DMXL1: variants seen among roughly 807,000 people sequenced by gnomAD.
DMXL1 encodes the protein Dmx like 1.
In DMXL1, 99 loss-of-function variants were observed where a neutral mutation model predicts 319.2. The ratio of observed to expected loss-of-function variants is 0.31; its 90% CI spans 0.26 to 0.37. DMXL1 has a LOEUF of 0.37. Among genes scored for constraint, DMXL1 ranks in the 10% least tolerant of loss-of-function variants. The pLI, the probability that DMXL1 is intolerant of heterozygous loss-of-function variation, is 1.00. For missense variants in DMXL1, 3,745 were observed against 3,595.6 expected (o/e 1.04, Z -1.06); for synonymous variants, 1,385 against 1,235.2 (o/e 1.12, Z -2.54).
chr5:119,125,792 C>A (rs1324880127), intron 9 of DMXL1, among the ~76,000 whole-genome samples: 1 of 152,084 alleles, frequency 6.6e-6, no homozygotes, highest in African/African-American at 2.4e-5. Flanking sequence ...TCTCAATCTC[C>A]TGACCTCGTG....
At position 119,084,593 on chromosome 5, in the gene DMXL1, G is replaced by A. The variant is rs1017800923; in HGVS notation, c.87+12937G>A. 3.3e-5 allele frequency among the ~76,000 whole-genome samples: 5 copies of A among 152,154 alleles called. No homozygotes were observed. In the East Asian group the frequency reaches 7.7e-4, roughly 23 times the overall value. ...AAAAAACGATCCTTGGCTGGGTGCT[G>A]TGGCTCATGCTTGTAATCCTAGCAC... On this transcript the variant is annotated intron_variant, in intron 1 of 43. Coordinates refer to ENST00000539542, the MANE Select transcript of DMXL1 (RefSeq NM_001290321.3).
intron 3 of DMXL1, among the ~76,000 whole-genome samples, chr5:119,103,053 A>T (rs760995649): frequency 1.3e-5 from 2 of 152,006 alleles, no homozygotes. Flanking sequence ...ACAAATCTTC[A>T]CAGGTACTCC....
intron 40 of DMXL1, 139 bp from the exon 41 acceptor site, chr5:119,238,850 T>A: frequency 7.0e-7 from 1 of 1,431,890 alleles, no homozygotes; most frequent in Non-Finnish European, 9.1e-7. Context: ...TTACAATTTT[T>A]CTAAAGTTCA....
At chr5:119,110,615 T>C (rs1759365259) in intron 5 of DMXL1, among the ~76,000 whole-genome samples, 1 of 152,230 alleles carries the variant, frequency 6.6e-6, no homozygotes, top group Admixed American at 6.5e-5. Context: ...TTTTCCCACA[T>C]AATCTATATA....
chr5:119,177,778 G>T lies in DMXL1; in HGVS notation c.6887-218G>T, dbSNP rs1471201914. 2.6e-5 allele frequency among the ~76,000 whole-genome samples: 4 copies of T among 152,012 alleles called. No individual in the cohort carries two copies. In the East Asian group the frequency reaches 7.7e-4, roughly 29 times the overall value. Reference sequence around the variant, plus strand: ...TATCTATGACATCTTAGTCATGAAAGATTTTAATGTTTAATATTAAAGATT... The same window carrying T: ...TATCTATGACATCTTAGTCATGAAATATTTTAATGTTTAATATTAAAGATT... On this transcript the variant is annotated intron_variant, in intron 27 of 43. Transcript: ENST00000539542.
chr5:119,076,385 G>A (rs192002953), intron 1 of DMXL1, among the ~76,000 whole-genome samples: 123 of 152,090 alleles, frequency 8.1e-4, no homozygotes, highest in Admixed American at 1.8e-3. Context: ...CAAATTGGGA[G>A]GATGGGAAGG....
chr5:119,166,783 T>C lies in DMXL1; in HGVS notation c.5136+2T>C. ...GGTTGCCTCAGAGATGCAATTGAGG[T>C]AATGAGTGAAATTTAAATAACAAAG... On this transcript the variant is annotated splice_donor_variant, in intron 22 of 43. Coordinates refer to ENST00000539542, the MANE Select transcript of DMXL1 (RefSeq NM_001290321.3). LOFTEE classifies it high-confidence loss of function. The C allele has an allele frequency of 6.3e-7, 1 of 1,597,674 alleles. No individual in the cohort carries two copies. Among genetic ancestry groups the C allele is most frequent in the Non-Finnish European group, 8.5e-7 (1 of 1,173,488 alleles).
At chr5:119,238,886 T>TAAA in intron 40 of DMXL1, 103 bp from the exon 41 acceptor site, 1 of 1,504,968 alleles carries the variant, frequency 6.6e-7, no homozygotes, top group Non-Finnish European at 8.9e-7. Context: ...ACAGAGGATT[T>TAAA]AAGAAAGCCA....
At chr5:119,239,639 A>G (rs1458314089) in intron 41 of DMXL1, among the ~76,000 whole-genome samples, 1 of 152,220 alleles carries the variant, frequency 6.6e-6, no homozygotes, top group Admixed American at 6.5e-5. Context: ...TTTTTAAGCT[A>G]TAATAGTAGC....
chr5:119,144,395 G>T (rs1312029619), intron 14 of DMXL1, 141 bp from the exon 15 acceptor site: 2 of 612,140 alleles, frequency 3.3e-6, no homozygotes, highest in Non-Finnish European at 5.8e-6. Flanking sequence ...TAATGGAGGT[G>T]CCATACGCTT....
rs374162734 is a variant in DMXL1 at position 119,119,828 on chromosome 5, T to C, written c.933+824T>C. ...GCTCGGCCTATTATTTTCTTAATAT[T>C]GAAAACGAAGTGATTTTATTTTTTG... On this transcript the variant is annotated intron_variant, in intron 8 of 43. Transcript: ENST00000539542. 2.9e-4 allele frequency among the ~76,000 whole-genome samples: 44 copies of C among 152,120 alleles called. 1 individual carries two copies. The South Asian group carries it at 4.4e-3, about 15-fold the overall frequency.
At chr5:119,072,031 T>G (rs148160884) in intron 1 of DMXL1, among the ~76,000 whole-genome samples, 4 of 152,254 alleles carry the variant, frequency 2.6e-5, no homozygotes, top group African/African-American at 9.6e-5. Flanking sequence ...TGGAGATTGG[T>G]TTCATTTTGT....
intron 28 of DMXL1, among the ~76,000 whole-genome samples, chr5:119,179,651 T>C (rs1776450492): frequency 6.6e-6 from 1 of 152,234 alleles, no homozygotes; most frequent in African/African-American, 2.4e-5. Flanking sequence ...AGTAGCAATG[T>C]TGGCATATAT....
chr5:119,074,572 G>C (rs911529347), intron 1 of DMXL1, among the ~76,000 whole-genome samples: 1 of 152,158 alleles, frequency 6.6e-6, no homozygotes, highest in Admixed American at 6.5e-5. Flanking sequence ...CTATTTTCTA[G>C]ATTTGAAAAT....
chr5:119,232,808 T>TAAAA (rs562400763), intron 38 of DMXL1, among the ~76,000 whole-genome samples: 1 of 137,842 alleles, frequency 7.3e-6, no homozygotes, highest in Non-Finnish European at 1.6e-5. Context: ...ACCCTGTCTC[T>TAAAA]AAAAAAAAAA....
chr5:119,119,663 C>A (rs1157030362), intron 8 of DMXL1, among the ~76,000 whole-genome samples: 5 of 151,728 alleles, frequency 3.3e-5, no homozygotes, highest in Non-Finnish European at 7.4e-5. Context: ...GTGTGCATCA[C>A]CACGCCCAGC....
chr5:119,074,343 A>G (rs935834930), intron 1 of DMXL1, among the ~76,000 whole-genome samples: 14 of 152,356 alleles, frequency 9.2e-5, no homozygotes, highest in Admixed American at 8.5e-4. Context: ...GAAGTGGAGC[A>G]TGACATCTTC....
intron 1 of DMXL1, among the ~76,000 whole-genome samples, chr5:119,095,806 G>C (rs559661115): frequency 6.6e-6 from 1 of 152,272 alleles, no homozygotes; most frequent in African/African-American, 2.4e-5. Context: ...TCCCATCATG[G>C]ATATTTATAT....
chr5:119,173,837 G>A (rs893457527), intron 25 of DMXL1, among the ~76,000 whole-genome samples: 2 of 133,830 alleles, frequency 1.5e-5, no homozygotes, highest in Non-Finnish European at 3.2e-5. Context: ...GTTTTATGTG[G>A]TTTTGGAGGC....
Sources: allele counts gnomAD v4.1 joint callset (sites outside exome capture counted in the v4.1 genomes callset), GRCh38; gene constraint gnomAD v4.1.1; transcripts MANE v1.5; gene names NCBI Gene and HGNC (gene_info 2026-07-23, HGNC 2026-07-21).